The following GPBP1L1 variants were observed in gnomAD, a reference collection of about 807,000 sequenced individuals.
GPBP1L1 encodes GC-rich promoter binding protein 1 like 1.
In GPBP1L1, 23 loss-of-function variants were observed where a neutral mutation model predicts 52.5. The observed-to-expected ratio is 0.44, with a 90% CI of 0.32 to 0.62. The LOEUF (loss-of-function observed/expected upper bound fraction) is 0.62. Among genes scored for constraint, GPBP1L1 ranks in the 20% least tolerant of loss-of-function variants. The probability of loss-of-function intolerance (pLI) is 0.06; values close to 1 mark genes in which losing one functional copy is unlikely to be tolerated. For missense variants in GPBP1L1, 596 were observed against 579.3 expected, an observed-to-expected ratio of 1.03 and a Z score of -0.30; for synonymous variants, 243 against 203.1, an observed-to-expected ratio of 1.20 and a Z score of -1.67.
At chr1:45,682,237 A>G (rs1050397328) in intron 2 of GPBP1L1, among the ~76,000 whole-genome samples, 2 of 152,248 alleles carry the variant, frequency 1.3e-5, no homozygotes, top group African/African-American at 4.8e-5. Context: ...AAAGATAGCA[A>G]TAATTCAGAC....
chr1:45,646,504 G>A (rs1004591760), intron 6 of GPBP1L1, among the ~76,000 whole-genome samples: 37 of 151,362 alleles, frequency 2.4e-4, no homozygotes, highest in African/African-American at 9.0e-4. Context: ...CTTTCAATTT[G>A]TAGATTCAAA....
In GPBP1L1 at chr1:45,654,546, G is replaced by A. The variant is rs778112785; in HGVS notation, c.474C>T (p.Asp158=). 9 of 1,608,038 alleles carry A rather than the reference G, an allele frequency of 5.6e-6. No individual in the cohort carries two copies. In the South Asian group the frequency reaches 9.9e-5, roughly 18 times the overall value. The change falls in exon 6 of 13, where the codon GAC becomes GAT. Residue 158 remains aspartate, a synonymous_variant. Coordinates refer to ENST00000355105, the MANE Select transcript of GPBP1L1 (RefSeq NM_021639.5). ...KVEKLQFEEE[D]FPSLNPEAGK... is the part of the protein sequence containing the mutation. ...ACATCTAAAGATTCATACTTACAAA[G>A]TCCTCCTCTTCAAACTGCAACTTTT...
At chr1:45,654,453 AT>A in intron 6 of GPBP1L1, 89 bp downstream of exon 6, 1 of 1,222,574 alleles carries the variant, frequency 8.2e-7, no homozygotes, top group Admixed American at 2.5e-5. Context: ...TTTTTCTGTA[AT>A]TTCTGAAATG....
intron 2 of GPBP1L1, among the ~76,000 whole-genome samples, chr1:45,670,170 C>T (rs940591680): frequency 6.6e-6 from 1 of 152,214 alleles, no homozygotes; most frequent in East Asian, 1.9e-4. Flanking sequence ...CTACATATGG[C>T]CAGACTGGAG....
At chr1:45,672,785 A>G (rs907976294) in intron 2 of GPBP1L1, among the ~76,000 whole-genome samples, 1 of 152,214 alleles carries the variant, frequency 6.6e-6, no homozygotes, top group African/African-American at 2.4e-5. Context: ...AAGCAGAAAC[A>G]TGTTTCAAGA....
intron 6 of GPBP1L1, among the ~76,000 whole-genome samples, chr1:45,653,551 G>C (rs752804926): frequency 1.1e-4 from 16 of 151,864 alleles, no homozygotes; most frequent in Non-Finnish European, 1.9e-4. Context: ...TAGAGACAAG[G>C]ATCTTGCTGT....
At chr1:45,641,204 G>A (rs1370654361) in intron 7 of GPBP1L1, among the ~76,000 whole-genome samples, 3 of 151,996 alleles carry the variant, frequency 2.0e-5, no homozygotes, top group Non-Finnish European at 4.4e-5. Flanking sequence ...CTACAATACT[G>A]GATTCTAAAC....
upstream of GPBP1L1, chr1:45,687,563 A>C (rs1645306093): frequency 6.6e-6 from 1 of 152,250 alleles, no homozygotes; most frequent in Admixed American, 6.5e-5. Flanking sequence ...TTTCCTGTGA[A>C]ACAAGTCTAG....
intron 6 of GPBP1L1, among the ~76,000 whole-genome samples, chr1:45,646,684 A>T (rs780914736): frequency 2.0e-5 from 3 of 151,712 alleles, no homozygotes; most frequent in Non-Finnish European, 2.9e-5. Flanking sequence ...CAGCCTCCCG[A>T]GTAGCTAGGA....
At position 45,640,376 on chromosome 1, in the gene GPBP1L1, G is replaced by A. The variant is rs780765486; in HGVS notation, c.578C>T (p.Ser193Phe). The A allele has an allele frequency of 6.2e-7, 1 of 1,614,036 alleles. No individual in the cohort carries two copies. Among genetic ancestry groups the A allele is most frequent in the Non-Finnish European group, 8.5e-7 (1 of 1,180,002 alleles). ...WENPPSAKQP[S>F]KMLVIKKVSK... ...AACTTTTTTGATAACTAGCATCTTG[G>A]AGGGTTGCTTGGCACTAGGCGGGTT... The change falls in exon 8 of 13, where the codon TCC becomes TTC. Residue 193 changes from serine to phenylalanine, a missense_variant. By Grantham distance (155) the Ser-to-Phe change is radical. Coordinates refer to ENST00000355105, the MANE Select transcript of GPBP1L1 (RefSeq NM_021639.5).
At position 45,660,586 on chromosome 1, in the gene GPBP1L1, G is replaced by A; in HGVS notation, c.-458C>T. 2 of 983,796 alleles carry A rather than the reference G, an allele frequency of 2.0e-6. No individual in the cohort carries two copies. The highest frequency in any genetic ancestry group is 1.7e-5 in the African/African-American group (1 of 57,300). The allele number at this position is 983,796 out of a possible 1,614,324, so 60.9% of individuals were successfully genotyped here. A position where few individuals can be genotyped will look rare whatever the true frequency, so the allele number is the denominator to read the frequency against. On this transcript the variant is annotated 5_prime_UTR_variant, in exon 3 of 13. Coordinates refer to ENST00000355105, the MANE Select transcript of GPBP1L1 (RefSeq NM_021639.5). ...CGAGTGCAAATACTGTTCATAACAA[G>A]GTCATAGCTAGAAAGACAGATGGGC... is the stretch of plus-strand genomic sequence containing the variant.
At chr1:45,637,225 C>T (rs1471910077) in intron 8 of GPBP1L1, among the ~76,000 whole-genome samples, 1 of 152,186 alleles carries the variant, frequency 6.6e-6, no homozygotes, top group East Asian at 1.9e-4. Flanking sequence ...GTGTTTACTA[C>T]TCAGATACTC....
intron 6 of GPBP1L1, among the ~76,000 whole-genome samples, chr1:45,650,298 C>T (rs1644804622): frequency 6.6e-6 from 1 of 152,204 alleles, no homozygotes; most frequent in Non-Finnish European, 1.5e-5. Context: ...AACTTACTCT[C>T]TAACCCTTAC....
In GPBP1L1 at chr1:45,634,156, T is replaced by C. The variant is rs550302208; in HGVS notation, c.825A>G (p.Pro275=). ...GTACCACTGGTTTGGTAACAGAGAT[T>C]GGACTGGTAAAAGCAGACTCCCGGC... ...SSSRESAFTS[P]ISVTKPVVLA... The change falls in exon 9 of 13, where the codon CCA becomes CCG. Residue 275 remains proline (P), a synonymous_variant. Transcript: ENST00000355105. 32 of 1,614,046 alleles carry C rather than the reference T, an allele frequency of 2.0e-5. No individual in the cohort carries two copies. The South Asian group carries it at 2.9e-4, about 14-fold the overall frequency.
chr1:45,634,252 G>A lies in GPBP1L1; in HGVS notation c.745-16C>T. ...ATGCATTAGGCTACACAGGGTGAAAGAACAAATCAGTCAGAACAAGCACAC... is the reference window on the plus strand; with the variant it reads ...ATGCATTAGGCTACACAGGGTGAAAAAACAAATCAGTCAGAACAAGCACAC... On this transcript the variant is annotated splice_polypyrimidine_tract_variant and intron_variant, in intron 8 of 12. Coordinates refer to ENST00000355105, the MANE Select transcript of GPBP1L1 (RefSeq NM_021639.5). The A allele has an allele frequency of 6.3e-7, 1 of 1,593,764 alleles. No homozygotes were observed. The highest frequency in any genetic ancestry group is 1.3e-5 in the African/African-American group (1 of 74,468).
intron 4 of GPBP1L1, chr1:45,655,541 A>C: frequency 2.5e-6 from 1 of 399,580 alleles, no homozygotes; most frequent in South Asian, 4.2e-5. Flanking sequence ...CCAGGAGAGG[A>C]GAAAAGCTAG....
At chr1:45,648,192 G>T (rs1209977416) in intron 6 of GPBP1L1, among the ~76,000 whole-genome samples, 1 of 152,060 alleles carries the variant, frequency 6.6e-6, no homozygotes, top group Admixed American at 6.5e-5. Flanking sequence ...GCCCTGCCTC[G>T]ACCTCCCAAA....
intron 2 of GPBP1L1, among the ~76,000 whole-genome samples, chr1:45,667,554 C>A (rs1645025391): frequency 6.6e-6 from 1 of 152,196 alleles, no homozygotes; most frequent in Non-Finnish European, 1.5e-5. Context: ...TACCTAGATA[C>A]AACACTACCA....
chr1:45,633,828 G>T, intron 9 of GPBP1L1, 181 bp from the exon 10 acceptor site: 1 of 693,796 alleles, frequency 1.4e-6, no homozygotes, highest in Non-Finnish European at 2.3e-6. Flanking sequence ...GTTAAGAGCA[G>T]CTGGCTTACA....
Sources: gnomAD v4.1 joint callset for allele counts (sites outside exome capture counted in the v4.1 genomes callset) on GRCh38, gnomAD v4.1.1 for gene constraint, MANE v1.5 for transcripts, NCBI Gene and HGNC (gene_info 2026-07-23, HGNC 2026-07-21) for gene names.